The following GRM7 variants were observed in gnomAD, a reference collection of about 807,000 sequenced individuals.
GRM7 encodes the protein metabotropic glutamate receptor 7.
A neutral mutation model predicts 84.5 loss-of-function variants in GRM7; 35 were observed. The observed-to-expected ratio is 0.41, with a 90% CI of 0.32 to 0.55. The LOEUF is 0.55. GRM7 is among the 20% of genes least tolerant of loss of function. The probability of loss-of-function intolerance (pLI) is 0.19; values close to 1 mark genes in which losing one functional copy is unlikely to be tolerated. For missense variants in GRM7, 1,003 were observed against 1,194.6 expected (o/e 0.84, Z 2.36); for synonymous variants, 487 against 455.1 (o/e 1.07, Z -0.89).
At chr3:6,892,053 G>C (rs796147277) in intron 1 of GRM7, among the ~76,000 whole-genome samples, 1 of 151,922 alleles carries the variant, frequency 6.6e-6, no homozygotes, top group African/African-American at 2.4e-5. Context: ...CATTCTTCAC[G>C]TAGTTCTCGA....
intron 1 of GRM7, among the ~76,000 whole-genome samples, chr3:6,923,041 A>T (rs190758883): frequency 6.6e-6 from 1 of 151,548 alleles, no homozygotes; most frequent in Non-Finnish European, 1.5e-5. Context: ...TTTGCAACGG[A>T]GTCTTGCTCT....
intron 8 of GRM7, among the ~76,000 whole-genome samples, chr3:7,644,454 T>C (rs898910852): frequency 6.6e-6 from 1 of 152,192 alleles, no homozygotes; most frequent in Admixed American, 6.5e-5. Flanking sequence ...CCATTTGATG[T>C]ATATTATGTT....
chr3:7,573,171 A>G (rs1694792708), intron 7 of GRM7, among the ~76,000 whole-genome samples: 1 of 151,918 alleles, frequency 6.6e-6, no homozygotes. Context: ...TGAAAATTCA[A>G]CATACCTATG....
chr3:7,076,224 A>G lies in GRM7; in HGVS notation c.520-70228A>G, dbSNP rs567382746. On this transcript the variant is annotated intron_variant, in intron 1 of 9. Transcript: ENST00000357716. Reference sequence around the variant, plus strand: ...ATACACAATTTAAACAGACTAATGTAAAGTTAAATAAAAATAGTAGTTCCA... The same window carrying G: ...ATACACAATTTAAACAGACTAATGTGAAGTTAAATAAAAATAGTAGTTCCA... Among the ~76,000 whole-genome samples, 6 of 152,262 alleles carry G rather than the reference A, an allele frequency of 3.9e-5. No homozygotes were observed. The South Asian group carries it at 1.2e-3, about 32-fold the overall frequency.
intron 4 of GRM7, among the ~76,000 whole-genome samples, chr3:7,389,853 A>C (rs1694923229): frequency 6.6e-6 from 1 of 151,908 alleles, no homozygotes; most frequent in South Asian, 2.1e-4. Flanking sequence ...ATTCAAAGTT[A>C]ATATTGATAT....
intron 9 of GRM7, among the ~76,000 whole-genome samples, chr3:7,709,948 A>C (rs1701524024): frequency 6.6e-6 from 1 of 152,080 alleles, no homozygotes; most frequent in Non-Finnish European, 1.5e-5. Flanking sequence ...TCCTGACCCA[A>C]GCTCCCTTTT....
At chr3:7,081,256 A>C (rs911672470) in intron 1 of GRM7, among the ~76,000 whole-genome samples, 7 of 152,056 alleles carry the variant, frequency 4.6e-5, no homozygotes, top group African/African-American at 1.7e-4. Flanking sequence ...CACCATTTTC[A>C]AAATAACACG....
intron 1 of GRM7, among the ~76,000 whole-genome samples, chr3:7,011,812 G>A (rs1357105993): frequency 6.6e-6 from 1 of 152,114 alleles, no homozygotes; most frequent in African/African-American, 2.4e-5. Context: ...ATTTTAAAAT[G>A]TTAAGTGAAT....
Position 7,338,360 on chromosome 3 carries a change from T to C in GRM7, c.1033+31708T>C, listed in dbSNP as rs918999103. Among the ~76,000 whole-genome samples the C allele has an allele frequency of 4.0e-5, 6 of 151,766 alleles. 1 individual carries two copies. The highest frequency in any genetic ancestry group is 4.4e-5 in the Non-Finnish European group (3 of 67,904). ...GGACTTGGGGGGAAGTGTGAGAGGG[T>C]AGTGAGTGGTAAAGACTACACATTG... On this transcript the variant is annotated intron_variant, in intron 4 of 9. Transcript: ENST00000357716.
intron 9 of GRM7, among the ~76,000 whole-genome samples, chr3:7,730,153 GCC>G (rs1702266286): frequency 4.6e-5 from 7 of 151,316 alleles, no homozygotes; most frequent in Admixed American, 3.9e-4. Context: ...GATTACAGGC[GCC>G]CACCACCACA....
intron 1 of GRM7, among the ~76,000 whole-genome samples, chr3:7,100,698 G>A (rs1232467815): frequency 6.6e-6 from 1 of 151,660 alleles, no homozygotes; most frequent in African/African-American, 2.4e-5. Context: ...AAGAGTTTTG[G>A]TAAATGTATA....
intron 1 of GRM7, among the ~76,000 whole-genome samples, chr3:6,969,245 T>A (rs372191848): frequency 1.3e-5 from 2 of 152,302 alleles, no homozygotes; most frequent in East Asian, 1.9e-4. Context: ...TCCTGAAAAT[T>A]ATCTATCTCT....
chr3:6,984,913 A>T (rs141124303), intron 1 of GRM7, among the ~76,000 whole-genome samples: 1 of 152,204 alleles, frequency 6.6e-6, no homozygotes. Flanking sequence ...GCGTGTGCCA[A>T]AACAGTTTGT....
In GRM7 at chr3:6,928,139, C is replaced by T. The variant is rs947254397; in HGVS notation, c.519+66232C>T. 2.0e-5 allele frequency among the ~76,000 whole-genome samples: 3 copies of T among 151,426 alleles called. No homozygotes were observed. The highest frequency in any genetic ancestry group is 1.5e-5 in the Non-Finnish European group (1 of 67,918). ...TGCTGAGGTAGGTATTTTAACACATCCCTCATTGATCCTGTTGCCTCTTCC... is the reference window on the plus strand; with the variant it reads ...TGCTGAGGTAGGTATTTTAACACATTCCTCATTGATCCTGTTGCCTCTTCC... On this transcript the variant is annotated intron_variant, in intron 1 of 9. Transcript: ENST00000357716. The surrounding 1 kb of genome is among the most constrained non-coding windows in gnomAD (Gnocchi z 4.5).
intron 2 of GRM7, among the ~76,000 whole-genome samples, chr3:7,290,425 A>C (rs112993290): frequency 6.6e-6 from 1 of 152,296 alleles, no homozygotes; most frequent in Non-Finnish European, 1.5e-5. Context: ...GTATAATGCA[A>C]ATGTTTCTCA....
chr3:7,054,451 T>C (rs1338014267), intron 1 of GRM7, among the ~76,000 whole-genome samples: 2 of 151,358 alleles, frequency 1.3e-5, no homozygotes, highest in Non-Finnish European at 3.0e-5. Flanking sequence ...TTGTGTGTGT[T>C]CTTGTCTGAG....
In GRM7 at chr3:7,279,466, C is replaced by A. The variant is rs892379660; in HGVS notation, c.737-19218C>A. Among the ~76,000 whole-genome samples the A allele has an allele frequency of 2.0e-5, 3 of 152,236 alleles. 1 individual carries two copies. In the Middle Eastern group the frequency reaches 0.01, roughly 518 times the overall value. ...CAAACCATATGGAGCAGATGAGAACCTGAGCCAGTTAGCCATGGAGTCAGC... is the reference window on the plus strand; with the variant it reads ...CAAACCATATGGAGCAGATGAGAACATGAGCCAGTTAGCCATGGAGTCAGC... On this transcript the variant is annotated intron_variant, in intron 2 of 9. Coordinates refer to ENST00000357716, the MANE Select transcript of GRM7 (RefSeq NM_000844.4).
intron 9 of GRM7, among the ~76,000 whole-genome samples, chr3:7,739,583 G>A (rs1305412312): frequency 1.3e-5 from 2 of 152,170 alleles, no homozygotes. Context: ...GGATCCTGGT[G>A]TCTTTGTTTC....
At chr3:7,408,104 T>C (rs1695759928) in intron 4 of GRM7, among the ~76,000 whole-genome samples, 1 of 152,334 alleles carries the variant, frequency 6.6e-6, no homozygotes, top group Middle Eastern at 3.4e-3. Context: ...ATCTAGCTAG[T>C]AAGTGTCGAA....
Sources: allele counts gnomAD v4.1 joint callset (sites outside exome capture counted in the v4.1 genomes callset), GRCh38; gene constraint gnomAD v4.1.1; non-coding constraint Gnocchi (gnomAD v3.1); transcripts MANE v1.5; gene names NCBI Gene and HGNC (gene_info 2026-07-23, HGNC 2026-07-21).